Variants in KAZN observed in about 807,000 individuals in gnomAD.
KAZN encodes kazrin.
A neutral mutation model predicts 87.4 loss-of-function variants in KAZN; 40 were observed. That is an observed-to-expected ratio of 0.46 (90% CI 0.36 to 0.60). The LOEUF (loss-of-function observed/expected upper bound fraction) is 0.60. KAZN is among the 20% of genes least tolerant of loss of function. The pLI, the probability that KAZN is intolerant of heterozygous loss-of-function variation, is 0.00. For synonymous variants in KAZN, 466 were observed against 458.3 expected, an observed-to-expected ratio of 1.02 and a Z score of -0.22; for missense variants, 898 against 1,073.9, an observed-to-expected ratio of 0.84 and a Z score of 2.29.
At chr1:14,138,445 C>A (rs1391416949) in intron 1 of KAZN, among the ~76,000 whole-genome samples, 1 of 152,134 alleles carries the variant, frequency 6.6e-6, no homozygotes, top group Non-Finnish European at 1.5e-5. Context: ...CCCATTGGAA[C>A]TTCTCTAATG....
rs538173274 is a variant in KAZN, at chr1:13,909,718, C to A, written c.91+15962C>A. ...ATGAAGGCCTGGTTTAAAAATGTAG[C>A]AAGACGAATTAAGCATTTATGAGGG... On this transcript the variant is annotated intron_variant, in intron 1 of 16. Coordinates refer to the KAZN transcript ENST00000636203. Among the ~76,000 whole-genome samples, 15 of 152,318 alleles carry A rather than the reference C, an allele frequency of 9.8e-5. No homozygotes were observed. The South Asian group carries it at 3.1e-3, about 32-fold the overall frequency.
intron 2 of KAZN, among the ~76,000 whole-genome samples, chr1:14,494,447 G>A (rs961556277): frequency 3.9e-5 from 6 of 152,136 alleles, no homozygotes; most frequent in Non-Finnish European, 7.3e-5. Context: ...TTTGGTCACT[G>A]TCAATGGCTT....
rs559255821 is a variant in KAZN, at chr1:13,967,106, A to G, written c.91+73350A>G. 3.9e-5 allele frequency among the ~76,000 whole-genome samples: 6 copies of G among 152,268 alleles called. No individual in the cohort carries two copies. In the South Asian group the frequency reaches 1.2e-3, roughly 32 times the overall value. ...GCACCTTAGATGGGATGCAGCACAG[A>G]TTAAAGTTATTTTTTTCAAAGCTTT... On this transcript the variant is annotated intron_variant, in intron 1 of 16. Coordinates refer to the KAZN transcript ENST00000636203.
chr1:14,572,527 G>C (rs1217859184), intron 2 of KAZN, among the ~76,000 whole-genome samples: 1 of 152,186 alleles, frequency 6.6e-6, no homozygotes, highest in Non-Finnish European at 1.5e-5. Flanking sequence ...ATGACTCTGG[G>C]CTCAGAGCTC....
intron 2 of KAZN, among the ~76,000 whole-genome samples, chr1:14,189,732 C>G (rs1439823161): frequency 2.0e-5 from 3 of 152,076 alleles, no homozygotes; most frequent in South Asian, 2.1e-4. Context: ...TCCCATTGGC[C>G]AAAGCAAGTC....
intron 2 of KAZN, among the ~76,000 whole-genome samples, chr1:14,311,013 C>A (rs1655251862): frequency 6.6e-6 from 1 of 152,154 alleles, no homozygotes; most frequent in South Asian, 2.1e-4. Flanking sequence ...GATGAGATGA[C>A]CTGTTTGGAG....
intron 2 of KAZN, among the ~76,000 whole-genome samples, chr1:14,210,527 A>G (rs1646833437): frequency 2.0e-5 from 3 of 152,164 alleles, no homozygotes; most frequent in Admixed American, 1.3e-4. Context: ...CTTCTCCCTA[A>G]TGAATATATT....
At chr1:14,008,987 G>GCGACT (rs1409300129) in intron 1 of KAZN, among the ~76,000 whole-genome samples, 2 of 152,086 alleles carry the variant, frequency 1.3e-5, no homozygotes, top group East Asian at 3.9e-4. Flanking sequence ...CCAGCCCCTG[G>GCGACT]CGACTACCGT....
intron 2 of KAZN, among the ~76,000 whole-genome samples, chr1:14,966,513 C>T (rs1315864398): frequency 2.0e-5 from 3 of 152,084 alleles, no homozygotes; most frequent in Non-Finnish European, 4.4e-5. Context: ...TATTAATTGC[C>T]TTGTTAGATA....
At chr1:14,264,000 T>C (rs1651281376) in intron 2 of KAZN, among the ~76,000 whole-genome samples, 1 of 152,220 alleles carries the variant, frequency 6.6e-6, no homozygotes. Flanking sequence ...CCCTGTTGCA[T>C]TAATTTTTAT....
At chr1:15,044,763 T>G (rs1673308035) in intron 4 of KAZN, among the ~76,000 whole-genome samples, 1 of 152,102 alleles carries the variant, frequency 6.6e-6, no homozygotes, top group Admixed American at 6.5e-5. Flanking sequence ...AAAAAATTTT[T>G]TTTGTTTAAA....
chr1:14,602,541 G>A (rs570820702), intron 1 of KAZN, among the ~76,000 whole-genome samples: 2 of 152,262 alleles, frequency 1.3e-5, no homozygotes, highest in South Asian at 4.1e-4. Context: ...GCCAGAGAAG[G>A]GATTTGTTTA....
At chr1:14,145,906 T>A (rs1209631588) in intron 1 of KAZN, among the ~76,000 whole-genome samples, 2 of 152,240 alleles carry the variant, frequency 1.3e-5, no homozygotes, top group Non-Finnish European at 2.9e-5. Context: ...GGGGTCATGA[T>A]TATACTTCCT....
chr1:14,994,092 T>G (rs896976098), intron 2 of KAZN, among the ~76,000 whole-genome samples: 2 of 152,218 alleles, frequency 1.3e-5, no homozygotes, highest in Non-Finnish European at 2.9e-5. Context: ...CCCCAGGCCA[T>G]GGAAGCAGGT....
chr1:14,662,950 T>TATATAC (rs1023608050), intron 1 of KAZN, among the ~76,000 whole-genome samples: 7 of 145,810 alleles, frequency 4.8e-5, no homozygotes, highest in African/African-American at 1.8e-4. Context: ...TGTAAATATA[T>TATATAC]ATATATATGC....
intron 1 of KAZN, among the ~76,000 whole-genome samples, chr1:14,842,964 G>A (rs114879913): frequency 5.9e-5 from 9 of 151,886 alleles, no homozygotes; most frequent in African/African-American, 1.2e-4. Context: ...GCTGTTTCTC[G>A]GCTTACCCAA....
At chr1:14,336,793 TTTTC>T (rs1332664477) in intron 2 of KAZN, among the ~76,000 whole-genome samples, 1 of 152,234 alleles carries the variant, frequency 6.6e-6, no homozygotes, top group South Asian at 2.1e-4. Flanking sequence ...CATACATAAA[TTTTC>T]TTTGTCTCTT....
intron 2 of KAZN, among the ~76,000 whole-genome samples, chr1:14,551,086 A>G (rs1022375496): frequency 6.6e-5 from 10 of 152,142 alleles, no homozygotes; most frequent in Non-Finnish European, 1.3e-4. Context: ...CAGAATAGTC[A>G]TTATGTTACA....
At chr1:14,542,107 A>G (rs551766821) in intron 2 of KAZN, among the ~76,000 whole-genome samples, 11 of 152,290 alleles carry the variant, frequency 7.2e-5, no homozygotes, top group Admixed American at 3.9e-4. Context: ...CTCTCAACCC[A>G]CAGGCTCATT....
Sources: gnomAD v4.1 joint callset for allele counts (sites outside exome capture counted in the v4.1 genomes callset) on GRCh38, gnomAD v4.1.1 for gene constraint, MANE v1.5 for transcripts, NCBI Gene and HGNC (gene_info 2026-07-23, HGNC 2026-07-21) for gene names.